The following PHF20 variants were observed in gnomAD, a reference collection of about 807,000 sequenced individuals.
The protein encoded by PHF20 is glioma-expressed antigen 2.
Under a neutral mutation model 113.5 loss-of-function variants are expected in PHF20, and 23 were observed. The observed-to-expected ratio is 0.20, with a 90% CI of 0.15 to 0.29. The LOEUF is 0.29. PHF20 is among the 10% of genes least tolerant of loss of function. The pLI is 1.00. For missense variants in PHF20, 943 were observed against 1,219.6 expected, an observed-to-expected ratio of 0.77 and a Z score of 3.38; for synonymous variants, 434 against 457.3, an observed-to-expected ratio of 0.95 and a Z score of 0.65.
intron 14 of PHF20, among the ~76,000 whole-genome samples, chr20:35,930,871 G>C (rs1256706823): frequency 6.6e-6 from 1 of 152,184 alleles, no homozygotes; most frequent in Non-Finnish European, 1.5e-5. Context: ...ACTGGGTCCT[G>C]TGGGCCTCAG....
Position 35,853,701 on chromosome 20 carries a change from T to C in PHF20, c.341-4601T>C, listed in dbSNP as rs1296545146. Among the ~76,000 whole-genome samples the C allele has an allele frequency of 5.3e-5, 8 of 151,914 alleles. No individual in the cohort carries two copies. In the East Asian group the frequency reaches 1.5e-3, roughly 29 times the overall value. On this transcript the variant is annotated intron_variant, in intron 4 of 17. Coordinates refer to ENST00000374012, the MANE Select transcript of PHF20 (RefSeq NM_016436.5). Reference sequence around the variant, plus strand: ...TGAGCCCAGGAGTTTGAGGCTGCAGTGAGCTAGGTTCGTACCACTACACTC... The same window carrying C: ...TGAGCCCAGGAGTTTGAGGCTGCAGCGAGCTAGGTTCGTACCACTACACTC...
At chr20:35,897,205 C>CA (rs201768260) in intron 9 of PHF20, among the ~76,000 whole-genome samples, 3 of 151,666 alleles carry the variant, frequency 2.0e-5, no homozygotes, top group African/African-American at 4.8e-5. Context: ...GGCTAATTAA[C>CA]AAAATTTTTT....
rs191266249 is a variant in PHF20, at chr20:35,923,429, C to T, written c.2005-4351C>T. 4.7e-3 allele frequency among the ~76,000 whole-genome samples: 708 copies of T among 152,046 alleles called. 1 individual carries two copies. Among genetic ancestry groups the T allele is most frequent in the Middle Eastern group, 0.02 (6 of 294 alleles). ...CAGCTTGGGCAACATAGAGAGACCC[C>T]GTTTCTACAAGAAATTAAATAAAAA... On this transcript the variant is annotated intron_variant, in intron 13 of 17. Transcript: ENST00000374012.
At chr20:35,777,881 G>A (rs927531930) in intron 1 of PHF20, among the ~76,000 whole-genome samples, 2 of 152,118 alleles carry the variant, frequency 1.3e-5, no homozygotes, top group South Asian at 2.1e-4. Flanking sequence ...TAAGAAATCT[G>A]TATTTCAAAT....
intron 1 of PHF20, among the ~76,000 whole-genome samples, chr20:35,784,955 T>G (rs2041378939): frequency 6.7e-6 from 1 of 150,090 alleles, no homozygotes; most frequent in African/African-American, 2.5e-5. Flanking sequence ...GGAGCTGAGG[T>G]GGGGAGGATG....
At chr20:35,926,356 G>A (rs2055633984) in intron 13 of PHF20, among the ~76,000 whole-genome samples, 2 of 142,872 alleles carry the variant, frequency 1.4e-5, no homozygotes. Context: ...TCCTGCCTCA[G>A]CCTCCCGAGT....
intron 2 of PHF20, among the ~76,000 whole-genome samples, chr20:35,830,251 A>G (rs2042336784): frequency 6.6e-6 from 1 of 152,100 alleles, no homozygotes; most frequent in Admixed American, 6.6e-5. Flanking sequence ...CCCTGTATCT[A>G]TTAATCAGCA....
At chr20:35,898,527 C>T (rs534076847) in intron 9 of PHF20, among the ~76,000 whole-genome samples, 21 of 152,258 alleles carry the variant, frequency 1.4e-4, no homozygotes, top group Admixed American at 4.6e-4. Context: ...CTTCTGCCTT[C>T]GGGTTCAAGC....
At chr20:35,887,724 G>C (rs2054761410) in intron 9 of PHF20, 1 of 148,792 alleles carries the variant, frequency 6.7e-6, no homozygotes, top group Non-Finnish European at 1.5e-5. Context: ...TAAAATAATT[G>C]AAAATTTTCC....
chr20:35,825,910 A>G (rs1347316347), intron 2 of PHF20, among the ~76,000 whole-genome samples: 1 of 152,152 alleles, frequency 6.6e-6, no homozygotes, highest in African/African-American at 2.4e-5. Context: ...GAACTTTTAC[A>G]TATGTATACA....
chr20:35,854,945 G>C (rs943243004), intron 4 of PHF20, among the ~76,000 whole-genome samples: 31 of 152,054 alleles, frequency 2.0e-4, no homozygotes, highest in African/African-American at 7.5e-4. Flanking sequence ...TGAAAATGTT[G>C]GACTGTTAGG....
chr20:35,879,731 A>T (rs2054592258), intron 9 of PHF20, among the ~76,000 whole-genome samples: 1 of 151,548 alleles, frequency 6.6e-6, no homozygotes, highest in South Asian at 2.1e-4. Flanking sequence ...ACAAAAAAAC[A>T]AATTGACCTC....
At chr20:35,782,657 T>G (rs1158992762) in intron 1 of PHF20, 2 of 152,222 alleles carry the variant, frequency 1.3e-5, no homozygotes, top group Non-Finnish European at 2.9e-5. Flanking sequence ...TGCCTGAGTT[T>G]GAGTGCCTGT....
At chr20:35,779,589 G>C (rs753114242) in intron 1 of PHF20, among the ~76,000 whole-genome samples, 1 of 151,464 alleles carries the variant, frequency 6.6e-6, no homozygotes, top group Non-Finnish European at 1.5e-5. Context: ...GTGCAACCTC[G>C]GCACACTGCA....
intron 13 of PHF20, among the ~76,000 whole-genome samples, chr20:35,919,995 T>C (rs1354189537): frequency 6.6e-6 from 1 of 152,224 alleles, no homozygotes; most frequent in Non-Finnish European, 1.5e-5. Flanking sequence ...ATCAGTGATA[T>C]ACACATACTC....
intron 1 of PHF20, among the ~76,000 whole-genome samples, chr20:35,772,505 G>C (rs2041081609): frequency 6.6e-6 from 1 of 152,172 alleles, no homozygotes; most frequent in Non-Finnish European, 1.5e-5. Flanking sequence ...TTTTAAAATT[G>C]GCTTTTTTTA....
intron 2 of PHF20, among the ~76,000 whole-genome samples, chr20:35,842,325 G>C (rs556122463): frequency 1.3e-5 from 2 of 152,276 alleles, no homozygotes; most frequent in African/African-American, 4.8e-5. Context: ...GGGTGACAGA[G>C]CGAGACTCTG....
chr20:35,920,007 T>C (rs973651206), intron 13 of PHF20, among the ~76,000 whole-genome samples: 7 of 152,170 alleles, frequency 4.6e-5, no homozygotes, highest in African/African-American at 1.7e-4. Flanking sequence ...CACATACTCA[T>C]TTGTGTGTGC....
chr20:35,844,543 CCACACACACACACACACACA>C (rs61622083), intron 3 of PHF20, among the ~76,000 whole-genome samples: 26 of 117,724 alleles, frequency 2.2e-4, no homozygotes, highest in African/African-American at 3.2e-4. Context: ...TTCACCATCA[CCACACACACACACACACACA>C]CACACACACA....
Sources: gnomAD v4.1 joint callset for allele counts (sites outside exome capture counted in the v4.1 genomes callset) on GRCh38, gnomAD v4.1.1 for gene constraint, MANE v1.5 for transcripts, NCBI Gene and HGNC (gene_info 2026-07-23, HGNC 2026-07-21) for gene names.